The following IGSF10 variants were observed in gnomAD, a reference collection of about 807,000 sequenced individuals.
The protein encoded by IGSF10 is immunoglobulin superfamily member 10, also known as calvaria mechanical force protein 608.
A neutral mutation model predicts 128.2 loss-of-function variants in IGSF10; 126 were observed. The ratio of observed to expected loss-of-function variants is 0.98; its 90% CI spans 0.85 to 1.14. IGSF10 has a LOEUF of 1.14. IGSF10 is among the 50% of genes most tolerant of loss of function. The pLI, the probability that IGSF10 is intolerant of heterozygous loss-of-function variation, is 0.00. For missense variants in IGSF10, 3,295 were observed against 3,149.8 expected, an observed-to-expected ratio of 1.05 and a Z score of -1.10; for synonymous variants, 1,185 against 1,146.2, an observed-to-expected ratio of 1.03 and a Z score of -0.68.
downstream of IGSF10, chr3:151,436,160 T>A (rs575126286): frequency 6.6e-6 from 1 of 152,396 alleles, no homozygotes; most frequent in African/African-American, 2.4e-5. Context: ...ATGAAAATTT[T>A]CAGTGTGAAC....
At chr3:151,471,610 ATAC>A in the IGSF10 span, among the ~76,000 whole-genome samples, 1 of 152,240 alleles carries the variant, frequency 6.6e-6, no homozygotes, top group Non-Finnish European at 1.5e-5. Flanking sequence ...CGCTTTTGGA[ATAC>A]TACATGATTT....
the IGSF10 span, among the ~76,000 whole-genome samples, chr3:151,520,799 C>A: frequency 6.6e-6 from 1 of 151,708 alleles, no homozygotes; most frequent in South Asian, 2.1e-4. Flanking sequence ...AGACCAGTGT[C>A]CCTATAAAGC....
At chr3:151,564,250 C>A in the IGSF10 span, among the ~76,000 whole-genome samples, 1 of 151,986 alleles carries the variant, frequency 6.6e-6, no homozygotes, top group African/African-American at 2.4e-5. Flanking sequence ...TTTAATTTGA[C>A]CAAGCTGATA....
At chr3:151,553,760 A>G in the IGSF10 span, among the ~76,000 whole-genome samples, 4 of 151,908 alleles carry the variant, frequency 2.6e-5, no homozygotes, top group Admixed American at 2.6e-4. Context: ...AAGTTTTTCA[A>G]AAGTCTCCTC....
chr3:151,575,107 G>C, the IGSF10 span, among the ~76,000 whole-genome samples: 1 of 152,168 alleles, frequency 6.6e-6, no homozygotes, highest in Non-Finnish European at 1.5e-5. Context: ...CCTTCCTCTG[G>C]AAGCTTTGTC....
At chr3:151,555,554 CA>C in the IGSF10 span, among the ~76,000 whole-genome samples, 1 of 152,126 alleles carries the variant, frequency 6.6e-6, no homozygotes, top group Non-Finnish European at 1.5e-5. Context: ...TCTGAGCCTA[CA>C]AAAGTCTGCT....
At chr3:151,509,869 C>T in the IGSF10 span, among the ~76,000 whole-genome samples, 3 of 152,198 alleles carry the variant, frequency 2.0e-5, no homozygotes, top group Admixed American at 2.0e-4. Flanking sequence ...CACAGAGCCT[C>T]CCTCATTGCT....
chr3:151,543,184 T>C, the IGSF10 span, among the ~76,000 whole-genome samples: 9 of 152,316 alleles, frequency 5.9e-5, no homozygotes, highest in African/African-American at 1.9e-4. Context: ...TGGGTTTTCC[T>C]GCAGTAAATA....
At chr3:151,467,875 C>T in the IGSF10 span, among the ~76,000 whole-genome samples, 2 of 147,390 alleles carry the variant, frequency 1.4e-5, no homozygotes, top group Admixed American at 1.3e-4. Flanking sequence ...CAGCGAGACT[C>T]CATCTCAAAA....
At chr3:151,568,987 G>A in the IGSF10 span, among the ~76,000 whole-genome samples, 1 of 152,234 alleles carries the variant, frequency 6.6e-6, no homozygotes, top group Non-Finnish European at 1.5e-5. Flanking sequence ...TAACGGAGGA[G>A]TATGAAGTCT....
chr3:151,552,884 C>A, the IGSF10 span, among the ~76,000 whole-genome samples: 66 of 152,242 alleles, frequency 4.3e-4, no homozygotes, highest in East Asian at 6.8e-3. Flanking sequence ...GTTAAACCAT[C>A]TGGCATAATA....
the IGSF10 span, among the ~76,000 whole-genome samples, chr3:151,470,017 A>C: frequency 2.8e-3 from 419 of 152,328 alleles, 1 homozygote; most frequent in African/African-American, 9.7e-3. Context: ...ATTCCAGTTT[A>C]TAAAGAGAGT....
rs759097235 is a variant in IGSF10 at position 151,447,020 on chromosome 3, G to A, written c.2961C>T (p.His987=). ...LSTSTFPSDP[H]TAAHSQFPIP... Reference sequence around the variant, plus strand: ...TCGGAAACTGAGAATGAGCAGCTGTGTGTGGATCTGAAGGGAACGTGGAGG... The same window carrying A: ...TCGGAAACTGAGAATGAGCAGCTGTATGTGGATCTGAAGGGAACGTGGAGG... The change falls in exon 6 of 8, where the codon CAC becomes CAT. Residue 987 remains histidine, a synonymous_variant. Transcript: ENST00000282466. 14 of 1,614,094 alleles carry A rather than the reference G, an allele frequency of 8.7e-6. No individual in the cohort carries two copies. Among genetic ancestry groups the A allele is most frequent in the Middle Eastern group, 1.6e-4 (1 of 6,084 alleles).
chr3:151,513,193 G>A, the IGSF10 span, among the ~76,000 whole-genome samples: 3 of 152,118 alleles, frequency 2.0e-5, no homozygotes, highest in Non-Finnish European at 4.4e-5. Context: ...TATCCTTGAT[G>A]AACACTGATG....
rs150953894 is a variant in IGSF10 at position 151,436,743 on chromosome 3, T to C, written c.7818A>G (p.Thr2606=). ...QTSDSGIYKC[T]AKNPLGSDYA... ...AATCACTACCAAGTGGGTTCTTTGCTGTGCATTTGTATATCCCAGAATCGG... is the reference window on the plus strand; with the variant it reads ...AATCACTACCAAGTGGGTTCTTTGCCGTGCATTTGTATATCCCAGAATCGG... The change falls in exon 8 of 8, where the codon ACA becomes ACG. Residue 2606 remains threonine (T), a synonymous_variant. Coordinates refer to ENST00000282466, the MANE Select transcript of IGSF10 (RefSeq NM_178822.5). 55 of 1,614,156 alleles carry C rather than the reference T, an allele frequency of 3.4e-5. No homozygotes were observed. The highest frequency in any genetic ancestry group is 4.6e-5 in the Non-Finnish European group (54 of 1,179,986).
rs145119548 is a variant in IGSF10 at position 151,446,886 on chromosome 3, C to T, written c.3095G>A (p.Arg1032Gln). The T allele has an allele frequency of 5.4e-4, 877 of 1,614,172 alleles. 5 individuals are homozygous for T. The African/African-American group carries it at 0.01, about 19-fold the overall frequency. ...IISPYRTPVL[R>Q]RHRYSIFRST... ...CCTGAAAATGCTGTATCTATGCCGT[C>T]GCAGAACTGGAGTTCTATATGGGCT... Residue 1032 changes from arginine (R) to glutamine (Q), a missense_variant, in exon 6 of 8, where the codon CGA becomes CAA. Coordinates refer to ENST00000282466, the MANE Select transcript of IGSF10 (RefSeq NM_178822.5).
At chr3:151,513,748 A>C in the IGSF10 span, among the ~76,000 whole-genome samples, 1 of 152,196 alleles carries the variant, frequency 6.6e-6, no homozygotes, top group East Asian at 1.9e-4. Flanking sequence ...AAATCTCTTT[A>C]AGCTGATAAG....
At chr3:151,577,796 A>T in the IGSF10 span, among the ~76,000 whole-genome samples, 143 of 152,290 alleles carry the variant, frequency 9.4e-4, no homozygotes, top group Admixed American at 1.4e-3. Flanking sequence ...AACTACCTGA[A>T]AACTAAGAAG....
At chr3:151,573,723 T>C in the IGSF10 span, among the ~76,000 whole-genome samples, 1 of 152,248 alleles carries the variant, frequency 6.6e-6, no homozygotes, top group Non-Finnish European at 1.5e-5. Context: ...ATTTAGCCCA[T>C]TTACATTTAA....
Sources: gnomAD v4.1 joint callset for allele counts (sites outside exome capture counted in the v4.1 genomes callset) on GRCh38, gnomAD v4.1.1 for gene constraint, MANE v1.5 for transcripts, NCBI Gene and HGNC (gene_info 2026-07-23, HGNC 2026-07-21) for gene names.